Variants in RYR2 observed in about 807,000 individuals in gnomAD.
The protein encoded by RYR2 is cardiac muscle ryanodine receptor-calcium release channel.
RYR2 carries 227 observed loss-of-function variants against 601.1 expected under a neutral mutation model. The ratio of observed to expected loss-of-function variants is 0.38; its 90% CI spans 0.34 to 0.42. RYR2 has a LOEUF of 0.42. Ranked by LOEUF, RYR2 falls within the 10% of genes least tolerant of loss-of-function variation. RYR2 has a pLI of 1.00. For missense variants in RYR2, 4,646 were observed against 6,156.5 expected, an observed-to-expected ratio of 0.75 and a Z score of 8.21; for synonymous variants, 2,223 against 2,175.1, an observed-to-expected ratio of 1.02 and a Z score of -0.61.
At chr1:237,096,785 G>A (rs1017867197) in intron 1 of RYR2, among the ~76,000 whole-genome samples, 4 of 152,182 alleles carry the variant, frequency 2.6e-5, no homozygotes, top group Middle Eastern at 3.2e-3. Flanking sequence ...TGGCATGTTC[G>A]GAACCTGTTT....
intron 3 of RYR2, chr1:237,333,628 T>C: frequency 2.2e-6 from 1 of 456,104 alleles, no homozygotes; most frequent in Non-Finnish European, 4.4e-6. Context: ...AGATATCATG[T>C]CTGATGATAT....
intron 8 of RYR2, among the ~76,000 whole-genome samples, chr1:237,383,326 T>C (rs1208445091): frequency 6.6e-6 from 1 of 152,054 alleles, no homozygotes; most frequent in Non-Finnish European, 1.5e-5. Context: ...TAATGTCTTG[T>C]TACTCTTGGA....
chr1:237,487,911 T>C, intron 17 of RYR2, among the ~76,000 whole-genome samples: 1 of 152,086 alleles, frequency 6.6e-6, no homozygotes, highest in East Asian at 1.9e-4. Context: ...TTATTGGATC[T>C]GACCTGATAG....
At chr1:237,763,586 A>G (rs567674639) in intron 84 of RYR2, among the ~76,000 whole-genome samples, 3 of 152,386 alleles carry the variant, frequency 2.0e-5, no homozygotes, top group Non-Finnish European at 4.4e-5. Context: ...CAAAGATGCC[A>G]TTAGTAATTC....
intron 12 of RYR2, among the ~76,000 whole-genome samples, chr1:237,427,556 G>A (rs559256070): frequency 5.5e-4 from 84 of 152,124 alleles, no homozygotes; most frequent in African/African-American, 1.9e-3. Flanking sequence ...ACCAAGGCAG[G>A]TGGATCACTT....
chr1:237,513,294 T>C (rs2147781963), intron 24 of RYR2, among the ~76,000 whole-genome samples: 1 of 152,372 alleles, frequency 6.6e-6, no homozygotes, highest in African/African-American at 2.4e-5. Flanking sequence ...CCTTCCATCC[T>C]TGATGTCCTA....
chr1:237,736,063 T>C (rs1691114799), intron 79 of RYR2, among the ~76,000 whole-genome samples: 1 of 152,244 alleles, frequency 6.6e-6, no homozygotes, highest in Non-Finnish European at 1.5e-5. Flanking sequence ...ACTTTTCCAT[T>C]CTATTTAAAC....
At chr1:237,183,024 C>T (rs532602920) in intron 1 of RYR2, among the ~76,000 whole-genome samples, 6 of 152,158 alleles carry the variant, frequency 3.9e-5, no homozygotes, top group South Asian at 4.2e-4. Context: ...GTATGATAAG[C>T]GCATTAGTTG....
At chr1:237,591,695 A>T in intron 31 of RYR2, 44 bp from the exon 32 acceptor site, 1 of 1,488,658 alleles carries the variant, frequency 6.7e-7, no homozygotes, top group Non-Finnish European at 9.3e-7. Context: ...AAGTAGACAG[A>T]ACATTTTAAT....
At chr1:237,794,499 C>T (rs2149390076) in intron 95 of RYR2, among the ~76,000 whole-genome samples, 1 of 152,254 alleles carries the variant, frequency 6.6e-6, no homozygotes, top group Admixed American at 6.5e-5. Flanking sequence ...AAAACAAATG[C>T]TTTTTCTATC....
Position 237,795,331 on chromosome 1 carries a change from G to A in RYR2, c.13956G>A (p.Lys4652=). The change falls in exon 96 of 105, where the codon AAG becomes AAA. Residue 4652 remains lysine, a splice_region_variant and synonymous_variant. Transcript: ENST00000366574. ...ACTGGGACAAATTTGTTAAAAGAAA[G>A]GTAATATTACTTGGAATCCTCTACA... ...NNYWDKFVKR[K]VMDKYGEFYG... is the part of the protein sequence containing the mutation. 1 of 1,404,886 alleles carries A rather than the reference G, an allele frequency of 7.1e-7. No homozygotes were observed. The highest frequency in any genetic ancestry group is 1.3e-5 in the South Asian group (1 of 76,064). 87.0% of individuals were successfully genotyped at this position (1,404,886 alleles called of 1,614,324 possible).
intron 14 of RYR2, among the ~76,000 whole-genome samples, chr1:237,449,176 CT>C (rs1203506059): frequency 6.6e-6 from 1 of 152,042 alleles, no homozygotes; most frequent in Non-Finnish European, 1.5e-5. Flanking sequence ...TTTCTTCCTT[CT>C]TTTGGATTAG....
At chr1:237,050,156 G>A (rs533077137) in intron 1 of RYR2, among the ~76,000 whole-genome samples, 2 of 152,274 alleles carry the variant, frequency 1.3e-5, no homozygotes, top group South Asian at 2.1e-4. Context: ...CCACTGACAC[G>A]TGAACCCAGG....
chr1:237,126,632 TC>T, intron 1 of RYR2, among the ~76,000 whole-genome samples: 1 of 152,294 alleles, frequency 6.6e-6, no homozygotes, highest in East Asian at 1.9e-4. Context: ...TGCCTACTCC[TC>T]CTTTTTCCCT....
At chr1:237,621,745 A>G (rs754441277) in intron 38 of RYR2, among the ~76,000 whole-genome samples, 6 of 152,222 alleles carry the variant, frequency 3.9e-5, no homozygotes, top group Non-Finnish European at 7.4e-5. Flanking sequence ...ATTAATATTT[A>G]CCAATTAAAT....
At chr1:237,441,532 T>A in intron 13 of RYR2, 49 bp downstream of exon 13, 1 of 1,441,078 alleles carries the variant, frequency 6.9e-7, no homozygotes, top group Non-Finnish European at 9.2e-7. Flanking sequence ...TTTTTATGAA[T>A]ACACAAGCAC....
intron 65 of RYR2, among the ~76,000 whole-genome samples, chr1:237,701,375 A>G (rs569678054): frequency 2.0e-4 from 31 of 152,238 alleles, no homozygotes; most frequent in African/African-American, 7.5e-4. Flanking sequence ...TACTAAAAAT[A>G]CAAAAATTAG....
chr1:237,652,040 A>C (rs1473063948), intron 51 of RYR2, among the ~76,000 whole-genome samples: 1 of 152,094 alleles, frequency 6.6e-6, no homozygotes, highest in Non-Finnish European at 1.5e-5. Flanking sequence ...CGTCAAAAAA[A>C]GAAAAAAAGG....
intron 2 of RYR2, among the ~76,000 whole-genome samples, chr1:237,299,233 T>TTC (rs1238970387): frequency 6.6e-6 from 1 of 152,106 alleles, no homozygotes; most frequent in Non-Finnish European, 1.5e-5. Context: ...GCCTTTTCTT[T>TTC]TCCCTCTTCT....
Sources: gnomAD v4.1 joint callset for allele counts (sites outside exome capture counted in the v4.1 genomes callset) on GRCh38, gnomAD v4.1.1 for gene constraint, MANE v1.5 for transcripts, NCBI Gene and HGNC (gene_info 2026-07-23, HGNC 2026-07-21) for gene names.